Variants in WARS2 observed in about 807,000 individuals in gnomAD.
WARS2 encodes the protein tryptophan--tRNA ligase, mitochondrial.
WARS2 carries 28 observed loss-of-function variants against 36.5 expected under a neutral mutation model. That is an observed-to-expected ratio of 0.77 (90% CI 0.57 to 1.05). The LOEUF (loss-of-function observed/expected upper bound fraction) is 1.05. WARS2 is among the 50% of genes least tolerant of loss of function. The probability of loss-of-function intolerance (pLI) is 0.00; values close to 1 mark genes in which losing one functional copy is unlikely to be tolerated. For synonymous variants in WARS2, 174 were observed against 178.4 expected (o/e 0.98, Z 0.20); for missense variants, 435 against 456.8 (o/e 0.95, Z 0.44).
At chr1:119,060,958 C>T (rs923505617) in intron 2 of WARS2, among the ~76,000 whole-genome samples, 3 of 152,190 alleles carry the variant, frequency 2.0e-5, no homozygotes. Flanking sequence ...TCCACATGCA[C>T]GGGGCCACCT....
intron 2 of WARS2, among the ~76,000 whole-genome samples, chr1:119,070,099 G>A (rs556928849): frequency 1.9e-4 from 29 of 152,206 alleles, no homozygotes; most frequent in Admixed American, 5.9e-4. Context: ...CTAAGTACCA[G>A]GTACTGCTCA....
At chr1:119,089,306 G>A (rs964491284) in intron 1 of WARS2, among the ~76,000 whole-genome samples, 5 of 152,158 alleles carry the variant, frequency 3.3e-5, no homozygotes, top group Non-Finnish European at 7.3e-5. Flanking sequence ...TAAGACTACA[G>A]GGTGTTCCAA....
At chr1:119,054,624 A>G (rs1215300906) in intron 2 of WARS2, among the ~76,000 whole-genome samples, 3 of 152,236 alleles carry the variant, frequency 2.0e-5, no homozygotes, top group African/African-American at 7.2e-5. Context: ...AGCATCATTC[A>G]CAATAGCTGA....
At chr1:119,035,247 C>T (rs1018963746) in intron 4 of WARS2, among the ~76,000 whole-genome samples, 2 of 152,034 alleles carry the variant, frequency 1.3e-5, no homozygotes, top group Admixed American at 6.6e-5. Context: ...CAATTTTATA[C>T]ATGCAATGCT....
At chr1:119,056,398 G>A (rs1014285532) in intron 2 of WARS2, among the ~76,000 whole-genome samples, 2 of 150,586 alleles carry the variant, frequency 1.3e-5, no homozygotes, top group African/African-American at 2.4e-5. Context: ...ACAATTCCAT[G>A]GGCTTTCCTT....
At chr1:119,086,931 T>G (rs914872984) in intron 1 of WARS2, among the ~76,000 whole-genome samples, 1 of 152,044 alleles carries the variant, frequency 6.6e-6, no homozygotes, top group African/African-American at 2.4e-5. Flanking sequence ...TAGAATGCCC[T>G]TTCACCTCTT....
chr1:119,067,497 C>T (rs948796272), intron 2 of WARS2, among the ~76,000 whole-genome samples: 1 of 152,172 alleles, frequency 6.6e-6, no homozygotes, highest in Non-Finnish European at 1.5e-5. Flanking sequence ...AGACAACAAA[C>T]TCTTCTGAAA....
intron 2 of WARS2, among the ~76,000 whole-genome samples, chr1:119,056,287 A>G (rs1181059190): frequency 6.9e-6 from 1 of 143,888 alleles, no homozygotes; most frequent in East Asian, 2.0e-4. Flanking sequence ...TCTGCCTGCC[A>G]TGGCCTCCCA....
At chr1:119,078,131 C>T (rs183877113) in intron 1 of WARS2, among the ~76,000 whole-genome samples, 46 of 152,300 alleles carry the variant, frequency 3.0e-4, no homozygotes, top group African/African-American at 1.1e-3. Flanking sequence ...GTTGAGGTTT[C>T]AGGCCAGATA....
Position 119,032,751 on chromosome 1 carries a change from T to C in WARS2, c.*160A>G. 1 of 701,362 alleles carries C rather than the reference T, an allele frequency of 1.4e-6. No homozygotes were observed. Among genetic ancestry groups the C allele is most frequent in the South Asian group, 2.0e-5 (1 of 49,302 alleles). The allele number at this position is 701,362 out of a possible 1,614,324, so 43.4% of individuals were successfully genotyped here. A position where few individuals can be genotyped will look rare whatever the true frequency, so the allele number is the denominator to read the frequency against. On this transcript the variant is annotated 3_prime_UTR_variant, in exon 6 of 6. Coordinates refer to ENST00000235521, the MANE Select transcript of WARS2 (RefSeq NM_015836.4). ...TGATGGGATTTGGAACACTGTCGTA[T>C]TTCAAAGCTACAAAGCAATATTCAT...
At chr1:119,082,567 C>A (rs1414088893) in intron 1 of WARS2, 5 of 456,712 alleles carry the variant, frequency 1.1e-5, no homozygotes, top group Non-Finnish European at 1.4e-5. Context: ...CCACTGGACT[C>A]CAAATTCTAT....
At chr1:119,060,784 G>A (rs1650308986) in intron 2 of WARS2, among the ~76,000 whole-genome samples, 1 of 152,174 alleles carries the variant, frequency 6.6e-6, no homozygotes, top group South Asian at 2.1e-4. Context: ...ATCTAAATAT[G>A]ATAGAAACCT....
intron 3 of WARS2, among the ~76,000 whole-genome samples, chr1:119,044,788 C>T (rs1489535303): frequency 1.3e-5 from 2 of 152,170 alleles, no homozygotes; most frequent in Admixed American, 1.3e-4. Flanking sequence ...AATCACCTCA[C>T]AAAGGCCCTA....
intron 1 of WARS2, among the ~76,000 whole-genome samples, chr1:119,117,934 C>G (rs1655081717): frequency 6.6e-6 from 1 of 152,140 alleles, no homozygotes; most frequent in Non-Finnish European, 1.5e-5. Flanking sequence ...GAACAGCAGC[C>G]CTTGAGTTCC....
At chr1:119,050,101 C>A (rs923580485) in intron 2 of WARS2, among the ~76,000 whole-genome samples, 1 of 152,206 alleles carries the variant, frequency 6.6e-6, no homozygotes, top group Non-Finnish European at 1.5e-5. Context: ...ACTCTGTAAC[C>A]TCTGTGATTC....
At chr1:119,078,176 C>T (rs587661420) in intron 1 of WARS2, among the ~76,000 whole-genome samples, 1 of 152,322 alleles carries the variant, frequency 6.6e-6, no homozygotes, top group East Asian at 1.9e-4. Flanking sequence ...GCTCTCTCTA[C>T]TAGCTACTAT....
rs587696588 is a variant in WARS2, at chr1:119,085,316, C to T, written c.91-8709G>A. The T allele has an allele frequency of 1.5e-5, 18 of 1,240,196 alleles. No homozygotes were observed. The East Asian group carries it at 4.2e-4, about 29-fold the overall frequency. The allele number at this position is 1,240,196 out of a possible 1,614,324, so 76.8% of individuals were successfully genotyped here. On this transcript the variant is annotated intron_variant, in intron 1 of 5. Coordinates refer to ENST00000235521, the MANE Select transcript of WARS2 (RefSeq NM_015836.4). Reference sequence around the variant, plus strand: ...TGGGGAGCTTCCGCCCCTCCCTGGGCACTGACTTCTGAGCTCTCTCCTAGT... The same window carrying T: ...TGGGGAGCTTCCGCCCCTCCCTGGGTACTGACTTCTGAGCTCTCTCCTAGT...
At chr1:119,071,445 G>C (rs1474737413) in intron 2 of WARS2, among the ~76,000 whole-genome samples, 1 of 152,112 alleles carries the variant, frequency 6.6e-6, no homozygotes, top group African/African-American at 2.4e-5. Flanking sequence ...ATCAACCTAA[G>C]TGTCTATCAA....
chr1:119,140,458 C>T, intron 1 of WARS2, 97 bp downstream of exon 1: 5 of 1,158,118 alleles, frequency 4.3e-6, no homozygotes, highest in Non-Finnish European at 6.2e-6. Flanking sequence ...ATGTACTTTC[C>T]CTAAGAAGCG....
Sources: allele counts gnomAD v4.1 joint callset (sites outside exome capture counted in the v4.1 genomes callset), GRCh38; gene constraint gnomAD v4.1.1; transcripts MANE v1.5; gene names NCBI Gene and HGNC (gene_info 2026-07-23, HGNC 2026-07-21).